FLYWCH1: variants seen among roughly 807,000 people sequenced by gnomAD.
FLYWCH1 encodes the protein FLYWCH-type zinc finger 1.
FLYWCH1 carries 75 observed loss-of-function variants against 66.4 expected under a neutral mutation model. The ratio of observed to expected loss-of-function variants is 1.13; its 90% CI spans 0.94 to 1.37. FLYWCH1 has a LOEUF of 1.37. Ranked by LOEUF, FLYWCH1 falls within the 40% of genes most tolerant of loss-of-function variation. The pLI is 0.00. For missense variants in FLYWCH1, 1,334 were observed against 1,001.8 expected (o/e 1.33, Z -4.48); for synonymous variants, 595 against 429.9 (o/e 1.38, Z -4.75).
chr16:2,922,723 C>G, intron 2 of FLYWCH1: 1 of 500,970 alleles, frequency 2.0e-6, no homozygotes, highest in Non-Finnish European at 4.0e-6. Context: ...GGAACATGTG[C>G]CTTCTTCTCT....
intron 2 of FLYWCH1, among the ~76,000 whole-genome samples, chr16:2,919,270 CTT>C (rs1243181807): frequency 4.4e-5 from 6 of 136,626 alleles, no homozygotes; most frequent in Admixed American, 7.3e-5. Flanking sequence ...TTTTTTGTTT[CTT>C]TTTTTTTTTT....
In FLYWCH1 at chr16:2,948,936, C is replaced by T. The variant is rs1441188057; in HGVS notation, c.*209C>T. On this transcript the variant is annotated 3_prime_UTR_variant, in exon 10 of 10. Coordinates refer to ENST00000253928, the MANE Select transcript of FLYWCH1 (RefSeq NM_001308068.2). ...GGCGGAGAACAGTGCTCAGAGCTGG[C>T]GCTTGCAGACGCAGCTGTCGTGGGG... 6.4e-5 allele frequency: 36 copies of T among 562,658 alleles called. No individual in the cohort carries two copies. Among genetic ancestry groups the T allele is most frequent in the South Asian group, 4.5e-4 (22 of 49,112 alleles). The allele number at this position is 562,658 out of a possible 1,614,324, so 34.9% of individuals were successfully genotyped here. A position where few individuals can be genotyped will look rare whatever the true frequency, so the allele number is the denominator to read the frequency against.
chr16:2,912,756 C>T (rs1237476639), intron 1 of FLYWCH1, among the ~76,000 whole-genome samples: 1 of 152,162 alleles, frequency 6.6e-6, no homozygotes, highest in South Asian at 2.1e-4. Context: ...TGCTGCTAAC[C>T]CATGGAGCCT....
Position 2,945,793 on chromosome 16 carries a change from C to T in FLYWCH1, c.2112-2895C>T, listed in dbSNP as rs191915278. On this transcript the variant is annotated intron_variant, in intron 9 of 9. Transcript: ENST00000253928. ...TGGGCAGATCATGAGATCAGGAGAT[C>T]AAGACCATCCTGGCTAACATGGTGA... Among the ~76,000 whole-genome samples, 388 of 152,188 alleles carry T rather than the reference C, an allele frequency of 2.5e-3. 4 individuals are homozygous for T. Among genetic ancestry groups the T allele is most frequent in the African/African-American group, 8.8e-3 (366 of 41,528 alleles).
intron 2 of FLYWCH1, among the ~76,000 whole-genome samples, chr16:2,919,028 A>G (rs2070273811): frequency 1.3e-5 from 2 of 151,144 alleles, no homozygotes; most frequent in Non-Finnish European, 3.0e-5. Flanking sequence ...GCTCACTGCA[A>G]CCTCCAAAGC....
Position 2,933,594 on chromosome 16 carries a change from T to G in FLYWCH1, c.1249+12T>G, listed in dbSNP as rs749996378. ...GGACGCAGACCCGGGTGAGCTGCCT[T>G]CCTTTGGGGCTCACCGGCCCTGCCT... On this transcript the variant is annotated intron_variant, in intron 5 of 9. Transcript: ENST00000253928. 4.3e-5 allele frequency: 68 copies of G among 1,577,256 alleles called. No individual in the cohort carries two copies. The highest frequency in any genetic ancestry group is 9.0e-5 in the East Asian group (4 of 44,506).
rs766700637 is a variant in FLYWCH1 at position 2,937,164 on chromosome 16, G to A, written c.1557G>A (p.Leu519=). ...FLKTPLGGSF[L]VYESFLYRRE... is the part of the protein sequence containing the mutation. ...AGACGCCCCTGGGGGGCAGCTTCCT[G>A]GTGTACGAGTCCTTCCTCTACCGGC... The change falls in exon 7 of 10, where the codon CTG becomes CTA. Residue 519 remains leucine, a synonymous_variant. Transcript: ENST00000253928. 7.8e-6 allele frequency: 10 copies of A among 1,287,660 alleles called. No homozygotes were observed. The Admixed American group carries it at 2.1e-4, about 28-fold the overall frequency. 79.8% of individuals were successfully genotyped at this position (1,287,660 alleles called of 1,614,324 possible).
chr16:2,937,058 G>C (rs1415443747), intron 6 of FLYWCH1, 63 bp from the exon 7 acceptor site: 3 of 1,248,570 alleles, frequency 2.4e-6, no homozygotes, highest in Non-Finnish European at 3.1e-6. Context: ...TCATCTCGGG[G>C]CCATGCTGAT....
At chr16:2,912,310 C>T (rs1567314027) in intron 1 of FLYWCH1, among the ~76,000 whole-genome samples, 156 bp downstream of exon 1, 1 of 152,144 alleles carries the variant, frequency 6.6e-6, no homozygotes, top group Non-Finnish European at 1.5e-5. Flanking sequence ...CCCGCGATTC[C>T]CTCCTTGCTC....
chr16:2,922,281 T>A (rs1372796198), intron 2 of FLYWCH1: 1 of 155,868 alleles, frequency 6.4e-6, no homozygotes, highest in East Asian at 1.9e-4. Context: ...GACGTAAAAT[T>A]TACCATATTG....
chr16:2,938,118 A>G (rs1247384299), intron 7 of FLYWCH1, 66 bp from the exon 8 acceptor site: 1 of 1,500,358 alleles, frequency 6.7e-7, no homozygotes, highest in Non-Finnish European at 9.0e-7. Flanking sequence ...GGGGATACAA[A>G]TCAGACCCCC....
At chr16:2,936,658 C>T (rs2071015019) in intron 6 of FLYWCH1, 2 of 459,600 alleles carry the variant, frequency 4.4e-6, no homozygotes, top group Non-Finnish European at 8.7e-6. Flanking sequence ...ACGCTGCTCC[C>T]TGCCTCTTCC....
Position 2,924,668 on chromosome 16 carries a change from C to T in FLYWCH1, c.-73-4945C>T, listed in dbSNP as rs960622390. 9.2e-5 allele frequency among the ~76,000 whole-genome samples: 14 copies of T among 152,286 alleles called. No individual in the cohort carries two copies. The East Asian group carries it at 1.7e-3, about 19-fold the overall frequency. ...CCACGCTGTGGGTCACGCAACCCCCCCAGGCTAGTCAAGGTTCAGGCAGGT... is the reference window on the plus strand; with the variant it reads ...CCACGCTGTGGGTCACGCAACCCCCTCAGGCTAGTCAAGGTTCAGGCAGGT... On this transcript the variant is annotated intron_variant, in intron 2 of 9. Transcript: ENST00000253928.
chr16:2,933,298 G>C lies in FLYWCH1; in HGVS notation c.965G>C (p.Arg322Pro). Residue 322 changes from arginine (R) to proline (P), a missense_variant, in exon 5 of 10, where the codon CGG becomes CCG. Arg to Pro is a moderately radical substitution (Grantham distance 103). Transcript: ENST00000253928. ...CRSRAITQGQ[R>P]VTVMRGHCHQ... ...AGCCGGGCCATCACCCAGGGACAGC[G>C]GGTGACTGTGATGCGTGGGCACTGC... The C allele has an allele frequency of 6.2e-7, 1 of 1,611,858 alleles. No homozygotes were observed. The highest frequency in any genetic ancestry group is 8.5e-7 in the Non-Finnish European group (1 of 1,179,356).
intron 2 of FLYWCH1, chr16:2,922,892 T>C (rs1259682818): frequency 7.6e-6 from 4 of 523,800 alleles, no homozygotes; most frequent in Admixed American, 5.8e-5. Context: ...CGGTGGAAAA[T>C]TGATGATCGC....
At chr16:2,924,662 ACC>A (rs904867350) in intron 2 of FLYWCH1, among the ~76,000 whole-genome samples, 4 of 151,748 alleles carry the variant, frequency 2.6e-5, no homozygotes, top group Non-Finnish European at 4.4e-5. Flanking sequence ...GGGTCACGCA[ACC>A]CCCCCAGGCT....
intron 9 of FLYWCH1, among the ~76,000 whole-genome samples, chr16:2,948,462 C>T (rs2071574636): frequency 6.6e-6 from 1 of 152,044 alleles, no homozygotes; most frequent in South Asian, 2.1e-4. Context: ...ACTCAGGAGG[C>T]TGAGGTGGGA....
chr16:2,924,873 A>G (rs750228116), intron 2 of FLYWCH1, among the ~76,000 whole-genome samples: 35 of 152,206 alleles, frequency 2.3e-4, no homozygotes, highest in Non-Finnish European at 2.6e-4. Flanking sequence ...GTTGAAGCAC[A>G]TGTGTCTTGG....
intron 2 of FLYWCH1, among the ~76,000 whole-genome samples, chr16:2,921,654 C>G (rs2150909180): frequency 6.6e-6 from 1 of 152,132 alleles, no homozygotes; most frequent in East Asian, 1.9e-4. Context: ...CCCAGCTACT[C>G]TGGAGGCTGA....
Sources: gnomAD v4.1 joint callset for allele counts (sites outside exome capture counted in the v4.1 genomes callset) on GRCh38, gnomAD v4.1.1 for gene constraint, MANE v1.5 for transcripts, NCBI Gene and HGNC (gene_info 2026-07-23, HGNC 2026-07-21) for gene names.